EIF4G3: variants seen among roughly 807,000 people sequenced by gnomAD.
The protein encoded by EIF4G3 is eukaryotic translation initiation factor 4 gamma 3, also known as eIF-4-gamma 3.
EIF4G3 carries 34 observed loss-of-function variants against 186.4 expected under a neutral mutation model. The observed-to-expected ratio is 0.18, with a 90% confidence interval of 0.14 to 0.24. EIF4G3 has a LOEUF of 0.24. EIF4G3 is among the 10% of genes least tolerant of loss of function. EIF4G3 has a pLI of 1.00. For missense variants in EIF4G3, 1,536 were observed against 1,948.5 expected, an observed-to-expected ratio of 0.79 and a Z score of 3.99; for synonymous variants, 673 against 679.5, an observed-to-expected ratio of 0.99 and a Z score of 0.15.
intron 4 of EIF4G3, among the ~76,000 whole-genome samples, chr1:21,027,193 AT>A (rs34372978): frequency 0.18 from 24,260 of 132,018 alleles, 1,851 homozygotes; most frequent in Middle Eastern, 0.23. Context: ...CACACATACA[AT>A]TTTTTTTTTT....
chr1:21,118,262 T>C (rs990927108), intron 2 of EIF4G3, among the ~76,000 whole-genome samples: 2 of 152,204 alleles, frequency 1.3e-5, no homozygotes, highest in African/African-American at 2.4e-5. Context: ...TATTTCAGTA[T>C]ACAACACTTT....
chr1:20,894,787 A>G (rs1054270038), intron 17 of EIF4G3, among the ~76,000 whole-genome samples: 5 of 152,216 alleles, frequency 3.3e-5, no homozygotes, highest in Admixed American at 3.3e-4. Flanking sequence ...TACTCCTTTT[A>G]ATTTAGTAAA....
chr1:21,023,098 T>C (rs1311754993), intron 4 of EIF4G3, among the ~76,000 whole-genome samples: 3 of 152,192 alleles, frequency 2.0e-5, no homozygotes, highest in South Asian at 2.1e-4. Context: ...AGTTTTTCTT[T>C]TTTGTTTGCA....
chr1:21,099,720 G>C (rs916025706), intron 2 of EIF4G3, among the ~76,000 whole-genome samples: 2 of 152,162 alleles, frequency 1.3e-5, no homozygotes, highest in African/African-American at 4.8e-5. Flanking sequence ...AGGGTAAATG[G>C]AAGTTTTCTG....
chr1:21,059,311 C>T (rs981106855), intron 3 of EIF4G3, among the ~76,000 whole-genome samples: 8 of 152,062 alleles, frequency 5.3e-5, no homozygotes, highest in Admixed American at 1.3e-4. Context: ...ATACTTTATG[C>T]TCCTCAAGCA....
intron 14 of EIF4G3, among the ~76,000 whole-genome samples, chr1:20,938,931 AC>A (rs1385881340): frequency 6.6e-6 from 1 of 151,702 alleles, no homozygotes; most frequent in Non-Finnish European, 1.5e-5. Flanking sequence ...ACAAGGTGAA[AC>A]CCCGTCTCTA....
intron 4 of EIF4G3, among the ~76,000 whole-genome samples, chr1:21,004,585 C>T (rs1390735197): frequency 6.6e-6 from 1 of 152,072 alleles, no homozygotes; most frequent in Admixed American, 6.6e-5. Context: ...TCCCAAATCA[C>T]CTTTATTTAT....
chr1:20,827,571 C>A lies in EIF4G3; in HGVS notation c.4269+46G>T, dbSNP rs372159887. On this transcript the variant is annotated intron_variant, in intron 32 of 36. Transcript: ENST00000602326. ...GATAACCCAAGATCAAGATCACTGCCCTTCCTAATAATACTGTTGAGTCTG... is the reference window on the plus strand; with the variant it reads ...GATAACCCAAGATCAAGATCACTGCACTTCCTAATAATACTGTTGAGTCTG... 9.1e-5 allele frequency: 111 copies of A among 1,226,330 alleles called. 2 individuals carry two copies. In the Admixed American group the frequency reaches 1.1e-3, roughly 13 times the overall value. The allele number at this position is 1,226,330 out of a possible 1,614,324, so 76.0% of individuals were successfully genotyped here.
intron 24 of EIF4G3, among the ~76,000 whole-genome samples, chr1:20,858,178 T>C (rs2075487091): frequency 6.6e-6 from 1 of 152,336 alleles, no homozygotes; most frequent in African/African-American, 2.4e-5. Context: ...AATTCGTCAC[T>C]TTTTTGTTCA....
At chr1:21,013,886 T>C (rs976560957) in intron 4 of EIF4G3, among the ~76,000 whole-genome samples, 3 of 152,026 alleles carry the variant, frequency 2.0e-5, no homozygotes, top group South Asian at 2.1e-4. Flanking sequence ...AGTATAGAAA[T>C]AGGCTGGGCA....
intron 20 of EIF4G3, among the ~76,000 whole-genome samples, chr1:20,869,843 A>C (rs1302093518): frequency 1.3e-5 from 2 of 152,056 alleles, no homozygotes; most frequent in Non-Finnish European, 1.5e-5. Context: ...TTGTTTAATA[A>C]ACCAACATAA....
chr1:20,941,325 C>G, intron 14 of EIF4G3, 166 bp downstream of exon 14: 1 of 1,565,006 alleles, frequency 6.4e-7, no homozygotes, highest in African/African-American at 1.4e-5. Context: ...AACTCTTTTG[C>G]AGGTTGTACT....
intron 4 of EIF4G3, among the ~76,000 whole-genome samples, chr1:21,013,690 T>TA (rs2087904126): frequency 6.6e-6 from 1 of 152,162 alleles, no homozygotes; most frequent in Non-Finnish European, 1.5e-5. Context: ...AAAGCACTGA[T>TA]ACATCCCAGG....
At chr1:20,956,631 A>AAAC (rs1248347451) in intron 12 of EIF4G3, among the ~76,000 whole-genome samples, 13 of 151,756 alleles carry the variant, frequency 8.6e-5, no homozygotes, top group Non-Finnish European at 1.3e-4. Context: ...AAAAAAAAAA[A>AAAC]AAAAAACAAG....
In EIF4G3 at chr1:21,117,746, A is replaced by AG. The variant is rs1359604576; in HGVS notation, c.-271-28534_-271-28533insC. Among the ~76,000 whole-genome samples the AG allele has an allele frequency of 2.7e-5, 4 of 148,080 alleles. No individual in the cohort carries two copies. The East Asian group carries it at 7.9e-4, about 29-fold the overall frequency. On this transcript the variant is annotated intron_variant, in intron 2 of 36. Transcript: ENST00000602326. ...TGTCCCAGTATATAGTAAAAAAAAA[A>AG]AAAAAAAAAAAAAAATTAAAAGCAG...
rs1156843969 is a variant in EIF4G3, at chr1:20,806,627, TAA to T, written c.*690_*691del. 2.0e-5 allele frequency: 3 copies of T among 152,516 alleles called. No homozygotes were observed. Among genetic ancestry groups the T allele is most frequent in the African/African-American group, 7.2e-5 (3 of 41,396 alleles). 9.4% of individuals were successfully genotyped at this position (152,516 alleles called of 1,614,324 possible). On this transcript the variant is annotated 3_prime_UTR_variant, in exon 37 of 37. Transcript: ENST00000602326. Reference sequence around the variant, plus strand: ...GTTGCTCTAAAGATTTCAAGAGTATTAAGAGTACTTTTCTCAGGGTAGCACTT... The same window carrying T: ...GTTGCTCTAAAGATTTCAAGAGTATTGAGTACTTTTCTCAGGGTAGCACTT...
chr1:21,111,418 G>T lies in EIF4G3; in HGVS notation c.-271-22205C>A, dbSNP rs538228015. On this transcript the variant is annotated intron_variant, in intron 2 of 36. Coordinates refer to ENST00000602326, the MANE Select transcript of EIF4G3 (RefSeq NM_001391906.1). ...ATTAGCAAAATAAGGCTTATGATGG[G>T]CTTAGCACATACTAAGCAGTATTTC... 1.1e-5 allele frequency: 5 copies of T among 470,310 alleles called. No homozygotes were observed. In the Admixed American group the frequency reaches 1.2e-4, roughly 11 times the overall value. The allele number at this position is 470,310 out of a possible 1,614,324, so 29.1% of individuals were successfully genotyped here.
chr1:20,869,306 ATTTTTTTTT>A (rs954573350), intron 20 of EIF4G3, among the ~76,000 whole-genome samples: 10 of 97,396 alleles, frequency 1.0e-4, no homozygotes, highest in African/African-American at 4.2e-4. Flanking sequence ...TTACTTTAAA[ATTTTTTTTT>A]TTTTTTTTTT....
intron 4 of EIF4G3, among the ~76,000 whole-genome samples, chr1:21,046,927 C>CAAG (rs1427615382): frequency 7.2e-5 from 11 of 152,246 alleles, no homozygotes; most frequent in African/African-American, 2.6e-4. Context: ...AGAACCAAGT[C>CAAG]TGGCAGGAAT....
Sources: gnomAD v4.1 joint callset for allele counts (sites outside exome capture counted in the v4.1 genomes callset) on GRCh38, gnomAD v4.1.1 for gene constraint, MANE v1.5 for transcripts, NCBI Gene and HGNC (gene_info 2026-07-23, HGNC 2026-07-21) for gene names.